Variants in EYS observed in about 807,000 individuals in gnomAD.
EYS encodes EGF-like photoreceptor maintenance factor, also known as protein eyes shut homolog.
A neutral mutation model predicts 282.1 loss-of-function variants in EYS; 250 were observed. The observed-to-expected ratio is 0.89, with a 90% CI of 0.80 to 0.98. The LOEUF is 0.98. Ranked by LOEUF, EYS falls within the 50% of genes least tolerant of loss-of-function variation. The pLI is 0.00. For missense variants in EYS, 4,016 were observed against 3,709.0 expected (o/e 1.08, Z -2.15); for synonymous variants, 1,355 against 1,282.9 (o/e 1.06, Z -1.20).
chr6:64,911,077 C>T (rs765368935), intron 16 of EYS, among the ~76,000 whole-genome samples: 12 of 151,958 alleles, frequency 7.9e-5, no homozygotes, highest in Non-Finnish European at 1.0e-4. Context: ...AAATATTCTA[C>T]GTAGTAGAAT....
intron 26 of EYS, among the ~76,000 whole-genome samples, chr6:64,555,084 C>T (rs1224902138): frequency 6.6e-6 from 1 of 151,800 alleles, no homozygotes. Flanking sequence ...TTTACTGCAA[C>T]ACTACTCACA....
intron 36 of EYS, among the ~76,000 whole-genome samples, chr6:63,853,313 A>C (rs1190885349): frequency 6.6e-6 from 1 of 152,198 alleles, no homozygotes; most frequent in East Asian, 1.9e-4. Context: ...ATATGCAAAA[A>C]TCACAAGAAT....
At position 64,553,552 on chromosome 6, in the gene EYS, C is replaced by A. The variant is rs181238340; in HGVS notation, c.5644+36671G>T. On this transcript the variant is annotated intron_variant, in intron 26 of 42. Coordinates refer to ENST00000503581, the MANE Select transcript of EYS (RefSeq NM_001142800.2). ...ATCTGTGACTTTTGTTTGACCCCCC[C>A]CCCCCCATAGGCAGTTACAAGGCAA... 2.4e-3 allele frequency among the ~76,000 whole-genome samples: 317 copies of A among 131,242 alleles called. 55 individuals carry two copies. The highest frequency in any genetic ancestry group is 4.1e-3 in the Non-Finnish European group (250 of 60,794). The allele number at this position is 131,242 out of a possible 152,430, so 86.1% of individuals were successfully genotyped here.
intron 29 of EYS, among the ~76,000 whole-genome samples, chr6:64,349,677 T>G (rs1771546455): frequency 6.6e-6 from 1 of 151,434 alleles, no homozygotes; most frequent in Non-Finnish European, 1.5e-5. Flanking sequence ...GTTTTGTTTT[T>G]CAATTTAAAA....
At chr6:64,445,287 T>C (rs1275461538) in intron 26 of EYS, among the ~76,000 whole-genome samples, 1 of 152,182 alleles carries the variant, frequency 6.6e-6, no homozygotes, top group Non-Finnish European at 1.5e-5. Flanking sequence ...CAGAATAGCT[T>C]TGTGAAGAAA....
chr6:64,013,909 A>C (rs1434647353), intron 33 of EYS, among the ~76,000 whole-genome samples: 1 of 152,160 alleles, frequency 6.6e-6, no homozygotes, highest in East Asian at 1.9e-4. Context: ...AGTTCTAAGA[A>C]TATTACCCTA....
intron 12 of EYS, among the ~76,000 whole-genome samples, chr6:65,262,294 G>A (rs1582076397): frequency 6.6e-6 from 1 of 152,156 alleles, no homozygotes; most frequent in South Asian, 2.1e-4. Context: ...TACATTACAT[G>A]TCATACAGGA....
rs548801761 is a variant in EYS at position 64,448,487 on chromosome 6, C to T, written c.5645-9135G>A. 4.6e-5 allele frequency among the ~76,000 whole-genome samples: 7 copies of T among 152,330 alleles called. No homozygotes were observed. In the South Asian group the frequency reaches 1.2e-3, roughly 27 times the overall value. On this transcript the variant is annotated intron_variant, in intron 26 of 42. Coordinates refer to ENST00000503581, the MANE Select transcript of EYS (RefSeq NM_001142800.2). ...CCTCTGCAGACTTAAATGTCCCTGT[C>T]CGATAGCTTTGAAGAGAGTAGTGGT... is the stretch of plus-strand genomic sequence containing the variant.
At chr6:65,392,873 A>G (rs373806224) in intron 7 of EYS, among the ~76,000 whole-genome samples, 12 of 152,138 alleles carry the variant, frequency 7.9e-5, no homozygotes, top group African/African-American at 2.6e-4. Context: ...ACATGCACAC[A>G]TATGTTTATT....
chr6:64,780,670 T>TA (rs1438074183), intron 22 of EYS, among the ~76,000 whole-genome samples: 1 of 152,136 alleles, frequency 6.6e-6, no homozygotes, highest in Non-Finnish European at 1.5e-5. Context: ...TCCATAATAA[T>TA]AATAAAATAA....
intron 35 of EYS, among the ~76,000 whole-genome samples, chr6:63,965,390 G>T (rs1391400600): frequency 6.6e-6 from 1 of 152,062 alleles, no homozygotes; most frequent in Non-Finnish European, 1.5e-5. Flanking sequence ...ACACTAATAG[G>T]TAACATTTAT....
intron 12 of EYS, among the ~76,000 whole-genome samples, chr6:65,233,134 C>T (rs2150269750): frequency 6.6e-6 from 1 of 152,152 alleles, no homozygotes; most frequent in Non-Finnish European, 1.5e-5. Context: ...TTAAGAGCTG[C>T]TTTGAAGTCT....
At chr6:64,361,058 A>G (rs1771984616) in intron 29 of EYS, among the ~76,000 whole-genome samples, 2 of 151,708 alleles carry the variant, frequency 1.3e-5, no homozygotes, top group African/African-American at 4.8e-5. Context: ...TTTATTTTTA[A>G]CATAATAGTG....
chr6:64,612,577 T>C lies in EYS; in HGVS notation c.3684+4841A>G, dbSNP rs570512909. Among the ~76,000 whole-genome samples, 65 of 152,242 alleles carry C rather than the reference T, an allele frequency of 4.3e-4. 1 individual carries two copies. The highest frequency in any genetic ancestry group is 1.7e-3 in the Admixed American group (26 of 15,282). ...TAATTGGATCTGCTTAAACAAATAA[T>C]ATTCACTAATTATCAGCTTGTCAGA... On this transcript the variant is annotated intron_variant, in intron 24 of 42. Transcript: ENST00000503581.
intron 2 of EYS, among the ~76,000 whole-genome samples, chr6:65,596,934 C>T (rs1451258520): frequency 1.3e-5 from 2 of 151,928 alleles, no homozygotes; most frequent in African/African-American, 4.8e-5. Flanking sequence ...GATAGTCCTT[C>T]AAGGACATCA....
intron 1 of EYS, among the ~76,000 whole-genome samples, chr6:65,658,113 A>G (rs556482221): frequency 1.3e-5 from 2 of 151,928 alleles, no homozygotes; most frequent in South Asian, 4.1e-4. Flanking sequence ...TGTGCTGGTA[A>G]CCAAATAGCT....
intron 33 of EYS, among the ~76,000 whole-genome samples, chr6:64,008,086 T>C (rs1478012896): frequency 6.6e-6 from 1 of 152,186 alleles, no homozygotes; most frequent in Non-Finnish European, 1.5e-5. Flanking sequence ...TGTTTAAATC[T>C]CCCACTATTG....
intron 13 of EYS, among the ~76,000 whole-genome samples, chr6:65,020,888 G>T (rs1281325600): frequency 2.0e-5 from 3 of 152,292 alleles, no homozygotes; most frequent in South Asian, 4.1e-4. Context: ...CTTGGGACTT[G>T]CACCCTCTGA....
At chr6:65,588,245 C>T (rs1412097176) in intron 2 of EYS, among the ~76,000 whole-genome samples, 15 of 152,030 alleles carry the variant, frequency 9.9e-5, no homozygotes, top group Admixed American at 5.3e-4. Context: ...AAACCTCTAT[C>T]CACCTCATTT....
Sources: allele counts gnomAD v4.1 joint callset (sites outside exome capture counted in the v4.1 genomes callset), GRCh38; gene constraint gnomAD v4.1.1; transcripts MANE v1.5; gene names NCBI Gene and HGNC (gene_info 2026-07-23, HGNC 2026-07-21).